The following HSPG2 variants were observed in gnomAD, a reference collection of about 807,000 sequenced individuals.
The protein encoded by HSPG2 is basement membrane-specific heparan sulfate proteoglycan core protein.
HSPG2 carries 278 observed loss-of-function variants against 526.6 expected under a neutral mutation model. The observed-to-expected ratio is 0.53, with a 90% confidence interval of 0.48 to 0.58. The LOEUF (loss-of-function observed/expected upper bound fraction) is 0.58, where lower values mean the gene tolerates loss of function less well. Ranked by LOEUF, HSPG2 falls within the 20% of genes least tolerant of loss-of-function variation. HSPG2 has a pLI of 0.00. For synonymous variants in HSPG2, 2,465 were observed against 2,555.4 expected, an observed-to-expected ratio of 0.96 and a Z score of 1.07; for missense variants, 5,354 against 6,099.5, an observed-to-expected ratio of 0.88 and a Z score of 4.07.
rs369444110 is a variant in HSPG2, at chr1:21,854,330, C to T, written c.6302G>A (p.Arg2101His). 51 of 1,570,128 alleles carry T rather than the reference C, an allele frequency of 3.2e-5. No homozygotes were observed. The highest frequency in any genetic ancestry group is 1.8e-4 in the Middle Eastern group (1 of 5,638). The change falls in exon 50 of 97, where the codon CGT becomes CAT. Residue 2101 changes from arginine (R) to histidine (H), a missense_variant. By Grantham distance (29) the Arg-to-His change is conservative. Coordinates refer to ENST00000374695, the MANE Select transcript of HSPG2 (RefSeq NM_005529.7). ...LPPHTQVHGS[R>H]LRLPQVSPAD... Reference sequence around the variant, plus strand: ...TGGTGAGACCTGGGGGAGCCGCAGACGGGAGCCGTGCACCTGGGCCAGGAG... The same window carrying T: ...TGGTGAGACCTGGGGGAGCCGCAGATGGGAGCCGTGCACCTGGGCCAGGAG...
chr1:21,839,212 G>T lies in HSPG2; in HGVS notation c.9890-127C>A. On this transcript the variant is annotated intron_variant, in intron 73 of 96. Coordinates refer to ENST00000374695, the MANE Select transcript of HSPG2 (RefSeq NM_005529.7). The surrounding 1 kb of genome is among the most constrained non-coding windows in gnomAD (Gnocchi z 4.5). ...AGGACTGGGGATAAGGAAAGCAAAG[G>T]TCCCAGGCCAGGGTGTGGGTGTCGG... The T allele has an allele frequency of 6.9e-7, 1 of 1,451,180 alleles. No homozygotes were observed. Among genetic ancestry groups the T allele is most frequent in the Non-Finnish European group, 9.4e-7 (1 of 1,062,722 alleles). The allele number at this position is 1,451,180 out of a possible 1,614,324, so 89.9% of individuals were successfully genotyped here. A position where few individuals can be genotyped will look rare whatever the true frequency, so the allele number is the denominator to read the frequency against.
chr1:21,846,331 A>C, intron 63 of HSPG2, 76 bp from the exon 64 acceptor site: 2 of 1,609,594 alleles, frequency 1.2e-6, no homozygotes, highest in Non-Finnish European at 1.7e-6. Context: ...CCAGGGTCTA[A>C]CCTCTGACAC....
intron 1 of HSPG2, among the ~76,000 whole-genome samples, chr1:21,931,436 C>T (rs755045225): frequency 2.0e-5 from 3 of 152,194 alleles, no homozygotes; most frequent in African/African-American, 4.8e-5. Flanking sequence ...GGACCCTCGG[C>T]GCAGCCTCCC....
At chr1:21,874,825 C>A in intron 26 of HSPG2, 66 bp downstream of exon 26, 1 of 1,521,094 alleles carries the variant, frequency 6.6e-7, no homozygotes, top group South Asian at 1.2e-5. Context: ...GTGGAGGGCT[C>A]ATGGAGAAGG....
chr1:21,890,243 A>G lies in HSPG2; in HGVS notation c.414-102T>C. On this transcript the variant is annotated intron_variant, in intron 5 of 96. Transcript: ENST00000374695. The surrounding 1 kb of genome is among the most constrained non-coding windows in gnomAD (Gnocchi z 4.1). ...CGACGCTCAGGCCCTGTTCCGGGAC[A>G]GCCTGTACCCAAAGAAGGGCAACTA... 1 of 1,458,108 alleles carries G rather than the reference A, an allele frequency of 6.9e-7. No individual in the cohort carries two copies. Among genetic ancestry groups the G allele is most frequent in the South Asian group, 1.1e-5 (1 of 87,920 alleles). 90.3% of individuals were successfully genotyped at this position (1,458,108 alleles called of 1,614,324 possible).
chr1:21,891,638 T>A (rs1350388235), intron 3 of HSPG2, among the ~76,000 whole-genome samples: 1 of 151,904 alleles, frequency 6.6e-6, no homozygotes, highest in Admixed American at 6.6e-5. Context: ...TTAGGCAGGG[T>A]CTTGCTCTGT....
At chr1:21,935,847 G>A (rs926599238) in intron 1 of HSPG2, among the ~76,000 whole-genome samples, 1 of 152,282 alleles carries the variant, frequency 6.6e-6, no homozygotes, top group African/African-American at 2.4e-5. Flanking sequence ...ATATTTTGGG[G>A]TGAGAGGCTG....
rs115181302 is a variant in HSPG2 at position 21,870,967 on chromosome 1, A to G, written c.4221+1219T>C. 719 of 736,686 alleles carry G rather than the reference A, an allele frequency of 9.8e-4. 4 individuals carry two copies. In the African/African-American group the frequency reaches 0.013, roughly 13 times the overall value. The allele number at this position is 736,686 out of a possible 1,614,324, so 45.6% of individuals were successfully genotyped here. A position where few individuals can be genotyped will look rare whatever the true frequency, so the allele number is the denominator to read the frequency against. Reference sequence around the variant, plus strand: ...GGGAGGCCAGGAGATAGCGAACCCCAGAAGGGAGAGGGGAGAAGGGACCAG... The same window carrying G: ...GGGAGGCCAGGAGATAGCGAACCCCGGAAGGGAGAGGGGAGAAGGGACCAG... On this transcript the variant is annotated intron_variant, in intron 33 of 96. Coordinates refer to ENST00000374695, the MANE Select transcript of HSPG2 (RefSeq NM_005529.7).
intron 1 of HSPG2, among the ~76,000 whole-genome samples, chr1:21,936,837 C>A (rs1054565658): frequency 1.3e-5 from 2 of 152,182 alleles, no homozygotes; most frequent in African/African-American, 2.4e-5. Context: ...CCCTCCTGGT[C>A]CCCAGGAATG....
At position 21,843,445 on chromosome 1, in the gene HSPG2, A is replaced by G. The variant is rs1257490482; in HGVS notation, c.8617-7T>C. ...TCAGCAGTGGGCCGTGGACCTGGCC[A>G]AGGTGGGGTGAGAGCGGGGAGGGTG... On this transcript the variant is annotated splice_polypyrimidine_tract_variant and splice_region_variant and intron_variant, in intron 65 of 96. Coordinates refer to ENST00000374695, the MANE Select transcript of HSPG2 (RefSeq NM_005529.7). 6.2e-7 allele frequency: 1 copy of G among 1,609,922 alleles called. No individual in the cohort carries two copies. Among genetic ancestry groups the G allele is most frequent in the Non-Finnish European group, 8.5e-7 (1 of 1,177,318 alleles).
In HSPG2 at chr1:21,878,193, C is replaced by T. The variant is rs751663070; in HGVS notation, c.2678G>A (p.Arg893His). Residue 893 changes from arginine to histidine, a missense_variant, in exon 21 of 97, where the codon CGC (arginine) becomes CAC (histidine). Arg to His is a conservative substitution (Grantham distance 29). Transcript: ENST00000374695. ...GGCAGATGGCACGCGTACCTTACAGCGGCAGGCCTCCCCGGAGGTCCCCAT... is the reference window on the plus strand; with the variant it reads ...GGCAGATGGCACGCGTACCTTACAGTGGCAGGCCTCCCCGGAGGTCCCCAT... The part of the protein sequence containing the change: ...GSMGTSGEAC[R>H]CKNNVVGRLC... 1.1e-5 allele frequency: 17 copies of T among 1,613,490 alleles called. No homozygotes were observed. In the East Asian group the frequency reaches 2.0e-4, roughly 19 times the overall value.
intron 1 of HSPG2, among the ~76,000 whole-genome samples, chr1:21,926,785 AAAAG>A (rs1644206435): frequency 2.1e-5 from 2 of 93,604 alleles, no homozygotes; most frequent in African/African-American, 3.2e-5. Flanking sequence ...AAAAAAAAAA[AAAAG>A]AGAGAAAGAA....
At position 21,855,412 on chromosome 1, in the gene HSPG2, C is replaced by T; in HGVS notation, c.5889G>A (p.Glu1963=). 1.2e-6 allele frequency: 2 copies of T among 1,613,252 alleles called. No homozygotes were observed. Reference sequence around the variant, plus strand: ...TGCGGCCTGCGTGGACCTGGGTCCTCTCTGGGCTCACTTGGACTCTGGGCC... The same window carrying T: ...TGCGGCCTGCGTGGACCTGGGTCCTTTCTGGGCTCACTTGGACTCTGGGCC... ...GGGPRVQVSP[E]RTQVHAGRTV... is the part of the protein sequence containing the mutation. The change falls in exon 47 of 97, where the codon GAG becomes GAA. Residue 1963 remains glutamate, a synonymous_variant. Transcript: ENST00000374695.
chr1:21,857,836 G>A (rs1362018776), intron 42 of HSPG2, among the ~76,000 whole-genome samples: 5 of 152,206 alleles, frequency 3.3e-5, no homozygotes, highest in Non-Finnish European at 5.9e-5. Context: ...CAAGTCAGGA[G>A]TTTTCCCAGC....
At chr1:21,915,346 G>A (rs868822969) in intron 1 of HSPG2, among the ~76,000 whole-genome samples, 5 of 152,240 alleles carry the variant, frequency 3.3e-5, no homozygotes, top group South Asian at 2.1e-4. Context: ...TTCGGAGCCC[G>A]GACATGGAGA....
At position 21,827,936 on chromosome 1, in the gene HSPG2, G is replaced by C. The variant is rs1572141488; in HGVS notation, c.12533-17C>G. On this transcript the variant is annotated splice_polypyrimidine_tract_variant and intron_variant, in intron 90 of 96. Transcript: ENST00000374695. ...GTCCAGAGCCTATGGAGAAGGGCAG[G>C]GTCCAGTTGGTGGGCATAGACACCC... 1 of 1,606,302 alleles carries C rather than the reference G, an allele frequency of 6.2e-7. No homozygotes were observed. The highest frequency in any genetic ancestry group is 1.3e-5 in the African/African-American group (1 of 75,006).
chr1:21,854,933 C>A lies in HSPG2; in HGVS notation c.6048G>T (p.Thr2016=), dbSNP rs1192505162. 6.2e-7 allele frequency: 1 copy of A among 1,614,064 alleles called. No homozygotes were observed. Among genetic ancestry groups the A allele is most frequent in the Non-Finnish European group, 8.5e-7 (1 of 1,180,040 alleles). Residue 2016 remains threonine (T), a synonymous_variant, in exon 48 of 97, where the codon ACG becomes ACT. Transcript: ENST00000374695. ...DIATLLIPAI[T]TADAGFYLCV... ...AGAGGTAGAAGCCGGCGTCAGCAGT[C>A]GTGATGGCTGGGATGAGCAGTGTCG...
At position 21,890,120 on chromosome 1, in the gene HSPG2, A is replaced by C. The variant is rs1642243173; in HGVS notation, c.435T>G (p.Phe145Leu). 1 of 1,613,736 alleles carries C rather than the reference A, an allele frequency of 6.2e-7. No individual in the cohort carries two copies. The highest frequency in any genetic ancestry group is 1.3e-5 in the African/African-American group (1 of 74,878). ...CTTCCGAGCCCACATCCAGCTCCACAAAAACCCAGCCATCCAGCTCCCTGG... is the reference window on the plus strand; with the variant it reads ...CTTCCGAGCCCACATCCAGCTCCACCAAAACCCAGCCATCCAGCTCCCTGG... ...VFIKELDGWV[F>L]VELDVGSEGN... The change falls in exon 6 of 97, where the codon TTT becomes TTG. Residue 145 changes from phenylalanine (F) to leucine (L), a missense_variant. Phe to Leu is a conservative substitution (Grantham distance 22). Transcript: ENST00000374695. This position sits in a 1 kb window ranked among gnomAD's most constrained non-coding sequence, Gnocchi z 4.1.
intron 55 of HSPG2, 80 bp downstream of exon 55, chr1:21,851,466 C>A: frequency 1.3e-6 from 2 of 1,589,004 alleles, no homozygotes; most frequent in Non-Finnish European, 1.7e-6. Context: ...CTCAGGGGAG[C>A]CTCTAGCCCT....
Sources: gnomAD v4.1 joint callset for allele counts (sites outside exome capture counted in the v4.1 genomes callset) on GRCh38, gnomAD v4.1.1 for gene constraint, Gnocchi (gnomAD v3.1) non-coding constraint, MANE v1.5 for transcripts, NCBI Gene and HGNC (gene_info 2026-07-23, HGNC 2026-07-21) for gene names.